PIGX: variants seen among roughly 807,000 people sequenced by gnomAD.
PIGX encodes phosphatidylinositol glycan anchor biosynthesis class X.
Under a neutral mutation model 28.7 loss-of-function variants are expected in PIGX, and 24 were observed. The observed-to-expected ratio is 0.84, with a 90% CI of 0.60 to 1.17. The LOEUF (loss-of-function observed/expected upper bound fraction) is 1.17, where lower values mean the gene tolerates loss of function less well. PIGX is among the 50% of genes most tolerant of loss of function. The pLI, the probability that PIGX is intolerant of heterozygous loss-of-function variation, is 0.00. For synonymous variants in PIGX, 127 were observed against 121.0 expected (o/e 1.05, Z -0.33); for missense variants, 305 against 317.8 (o/e 0.96, Z 0.31).
At chr3:196,727,853 T>C (rs1712589006) in intron 3 of PIGX, 70 bp from the exon 4 acceptor site, 2 of 1,107,056 alleles carry the variant, frequency 1.8e-6, no homozygotes, top group Non-Finnish European at 2.7e-6. Flanking sequence ...TATAGTCTTC[T>C]GGTTTTAACT....
chr3:196,732,239 TATA>T (rs1712807969), intron 5 of PIGX, among the ~76,000 whole-genome samples: 2 of 65,934 alleles, frequency 3.0e-5, no homozygotes, highest in African/African-American at 1.4e-4. Flanking sequence ...TATATATATA[TATA>T]TATATATATA....
chr3:196,716,954 A>G, intron 2 of PIGX, 33 bp downstream of exon 2: 1 of 1,303,690 alleles, frequency 7.7e-7, no homozygotes, highest in Non-Finnish European at 1.1e-6. Context: ...TTTCTATTAA[A>G]ATAATGTGTC....
At chr3:196,732,988 A>G (rs1223726491) in intron 5 of PIGX, among the ~76,000 whole-genome samples, 1 of 152,156 alleles carries the variant, frequency 6.6e-6, no homozygotes, top group Non-Finnish European at 1.5e-5. Context: ...CTATCTGGGG[A>G]GAGAAAGGCA....
At chr3:196,725,112 CAT>C (rs1712469451) in intron 3 of PIGX, among the ~76,000 whole-genome samples, 2 of 152,162 alleles carry the variant, frequency 1.3e-5, no homozygotes, top group Admixed American at 1.3e-4. Context: ...GGTTATTAAA[CAT>C]ATTTTTTCAT....
intron 5 of PIGX, among the ~76,000 whole-genome samples, chr3:196,731,568 T>C (rs538736184): frequency 4.6e-5 from 7 of 152,206 alleles, no homozygotes; most frequent in Non-Finnish European, 8.8e-5. Flanking sequence ...GGAACTTTCA[T>C]TGAACATACA....
chr3:196,727,507 A>G (rs1194817189), intron 3 of PIGX, among the ~76,000 whole-genome samples: 1 of 152,204 alleles, frequency 6.6e-6, no homozygotes, highest in Non-Finnish European at 1.5e-5. Context: ...AAGAACAGGA[A>G]ATTGTCAGAA....
chr3:196,721,534 C>G lies in PIGX; in HGVS notation c.177-881C>G, dbSNP rs1274203924. Among the ~76,000 whole-genome samples, 3 of 151,916 alleles carry G rather than the reference C, an allele frequency of 2.0e-5. No homozygotes were observed. In the East Asian group the frequency reaches 5.8e-4, roughly 29 times the overall value. On this transcript the variant is annotated intron_variant, in intron 2 of 5. Coordinates refer to ENST00000392391, the MANE Select transcript of PIGX (RefSeq NM_017861.4). ...CACTGCAGCCTCGACCTCCTGGGCT[C>G]AAAAGATTCTCCTACCACACCCTCC...
At chr3:196,714,123 C>G (rs780285887) in intron 1 of PIGX, among the ~76,000 whole-genome samples, 2 of 152,120 alleles carry the variant, frequency 1.3e-5, no homozygotes, top group Non-Finnish European at 2.9e-5. Flanking sequence ...GGATAGCAGT[C>G]CTCACTTCCC....
chr3:196,722,501 G>T lies in PIGX; in HGVS notation c.263G>T (p.Gly88Val), dbSNP rs377629523. 2.5e-6 allele frequency: 4 copies of T among 1,613,446 alleles called. No homozygotes were observed. The highest frequency in any genetic ancestry group is 1.1e-5 in the South Asian group (1 of 91,058). Residue 88 changes from glycine to valine, a missense_variant, in exon 3 of 6, where the codon GGA becomes GTA. Coordinates refer to ENST00000392391, the MANE Select transcript of PIGX (RefSeq NM_017861.4). Reference sequence around the variant, plus strand: ...TTAATTAAACAGGACATTCCTGCAGGACTTTATGTGGATCCGTATGAGTTG... The same window carrying T: ...TTAATTAAACAGGACATTCCTGCAGTACTTTATGTGGATCCGTATGAGTTG...
chr3:196,719,773 A>G (rs1216880256), intron 2 of PIGX, among the ~76,000 whole-genome samples: 1 of 151,880 alleles, frequency 6.6e-6, no homozygotes, highest in Non-Finnish European at 1.5e-5. Flanking sequence ...TAAAATACCC[A>G]TAACATAAAA....
rs574787548 is a variant in PIGX, at chr3:196,723,332, C to T, written c.318+776C>T. ...CTCCAGCCTGGGTGACAGAATGAGA[C>T]TTTGTCTCAAAGAAAAAAGAAACTG... On this transcript the variant is annotated intron_variant, in intron 3 of 5. Transcript: ENST00000392391. Among the ~76,000 whole-genome samples the T allele has an allele frequency of 3.3e-5, 5 of 152,272 alleles. No homozygotes were observed. In the East Asian group the frequency reaches 9.6e-4, roughly 29 times the overall value.
At chr3:196,713,360 G>C (rs938463755) in intron 1 of PIGX, among the ~76,000 whole-genome samples, 1 of 151,814 alleles carries the variant, frequency 6.6e-6, no homozygotes, top group African/African-American at 2.4e-5. Context: ...GAGTGCAATG[G>C]CGCGATCTCG....
In PIGX at chr3:196,733,963, G is replaced by T; in HGVS notation, c.*61G>T. On this transcript the variant is annotated 3_prime_UTR_variant, in exon 6 of 6. Transcript: ENST00000392391. This position sits in a 1 kb window ranked among gnomAD's most constrained non-coding sequence, Gnocchi z 4.3. ...TAAGATCTATTAATTTCTGACGAGA[G>T]GTGTTCTTCTAGAATTAATTACTTT... The T allele has an allele frequency of 9.6e-7, 1 of 1,045,426 alleles. No homozygotes were observed. 64.8% of individuals were successfully genotyped at this position (1,045,426 alleles called of 1,614,324 possible).
chr3:196,726,271 A>ACTC (rs1712518447), intron 3 of PIGX, among the ~76,000 whole-genome samples: 1 of 152,184 alleles, frequency 6.6e-6, no homozygotes, highest in Admixed American at 6.5e-5. Flanking sequence ...AGCCAGGGTG[A>ACTC]CAGAGTGAGA....
chr3:196,714,841 G>C (rs530801421), intron 1 of PIGX, among the ~76,000 whole-genome samples: 1 of 152,142 alleles, frequency 6.6e-6, no homozygotes, highest in African/African-American at 2.4e-5. Context: ...ATTTTGGAAG[G>C]CCAGGGTGGG....
At chr3:196,728,347 A>G in intron 4 of PIGX, 1 of 590,818 alleles carries the variant, frequency 1.7e-6, no homozygotes, top group Non-Finnish European at 3.0e-6. Context: ...AAAGTTAAAA[A>G]GAAACATGCA....
Position 196,723,199 on chromosome 3 carries a change from G to T in PIGX, c.318+643G>T, listed in dbSNP as rs535572294. Among the ~76,000 whole-genome samples, 51 of 152,302 alleles carry T rather than the reference G, an allele frequency of 3.3e-4. 1 individual carries two copies. In the South Asian group the frequency reaches 0.01, roughly 30 times the overall value. On this transcript the variant is annotated intron_variant, in intron 3 of 5. Coordinates refer to ENST00000392391, the MANE Select transcript of PIGX (RefSeq NM_017861.4). The stretch of plus-strand genomic sequence containing the variant: ...TCTACAAAAATACAAAAATTAGCCA[G>T]GTGTGGTGGTGGGCGCCTGTAATCC...
rs771213420 is a variant in PIGX, at chr3:196,728,103, A to G, written c.499A>G (p.Asn167Asp). The change falls in exon 4 of 6, where the codon AAT (asparagine) becomes GAT (aspartate). Residue 167 changes from asparagine (N) to aspartate (D), a missense_variant. Asn to Asp is a conservative substitution (Grantham distance 23, BLOSUM62 1). Coordinates refer to ENST00000392391, the MANE Select transcript of PIGX (RefSeq NM_017861.4). The stretch of plus-strand genomic sequence containing the variant: ...AGATGGAGAAGCCTCGATTGTGGTC[A>G]ATAACCCAGATTTGTTGATGTTTTG... The G allele has an allele frequency of 8.9e-5, 144 of 1,614,056 alleles. 1 individual carries two copies. In the South Asian group the frequency reaches 9.4e-4, roughly 11 times the overall value.
At chr3:196,716,271 G>GA (rs894101101) in intron 1 of PIGX, among the ~76,000 whole-genome samples, 1 of 149,970 alleles carries the variant, frequency 6.7e-6, no homozygotes, top group African/African-American at 2.4e-5. Context: ...TTTGCTTTTT[G>GA]TTTTTTTTTT....
Sources: gnomAD v4.1 joint callset for allele counts (sites outside exome capture counted in the v4.1 genomes callset) on GRCh38, gnomAD v4.1.1 for gene constraint, Gnocchi (gnomAD v3.1) non-coding constraint, MANE v1.5 for transcripts, NCBI Gene and HGNC (gene_info 2026-07-23, HGNC 2026-07-21) for gene names.